KLHL15: variants seen among roughly 807,000 people sequenced by gnomAD.
KLHL15 encodes kelch like family member 15, also known as kelch-like protein 15.
Under a neutral mutation model 29.3 loss-of-function variants are expected in KLHL15, and 1 was observed. That is an observed-to-expected ratio of 0.03 (90% CI 0.01 to 0.16). The LOEUF (loss-of-function observed/expected upper bound fraction) is 0.16, where lower values mean the gene tolerates loss of function less well. Among genes scored for constraint, KLHL15 ranks in the 10% least tolerant of loss-of-function variants. KLHL15 has a pLI of 1.00. For missense variants in KLHL15, 215 were observed against 478.5 expected (o/e 0.45, Z 5.14); for synonymous variants, 212 against 184.5 (o/e 1.15, Z -1.21).
chrX:24,025,519 G>A (rs1318260820), intron 1 of KLHL15, among the ~76,000 whole-genome samples: 5 of 106,791 alleles, frequency 4.7e-5, no homozygotes, highest in Non-Finnish European at 9.8e-5. Context: ...CGCTGGGAGA[G>A]AGGGCGGAGG....
At chrX:23,991,506 C>T (rs1010212946) in intron 3 of KLHL15, among the ~76,000 whole-genome samples, 1 of 109,412 alleles carries the variant, frequency 9.1e-6, no homozygotes, top group Non-Finnish European at 1.9e-5. Context: ...GCAACAACAG[C>T]GAAACTCTTA....
At chrX:24,011,713 G>GA (rs1038873744) in intron 2 of KLHL15, among the ~76,000 whole-genome samples, 1 of 111,795 alleles carries the variant, frequency 8.9e-6, no homozygotes, top group African/African-American at 3.2e-5. Flanking sequence ...TGAGGTGAGA[G>GA]AATCACCTGA....
intron 3 of KLHL15, among the ~76,000 whole-genome samples, chrX:24,004,746 C>A (rs534903837): frequency 8.5e-5 from 9 of 106,123 alleles, no homozygotes; most frequent in African/African-American, 2.8e-4. Flanking sequence ...GCCAAGATCA[C>A]GCCACTGTAC....
chrX:24,009,707 A>G (rs1331512748), intron 2 of KLHL15, among the ~76,000 whole-genome samples: 1 of 94,459 alleles, frequency 1.1e-5, no homozygotes, highest in Non-Finnish European at 2.0e-5. Flanking sequence ...AAAAAAAAAA[A>G]AGCCGGGCTC....
chrX:24,021,016 T>C (rs1047572350), intron 2 of KLHL15, among the ~76,000 whole-genome samples: 1 of 112,015 alleles, frequency 8.9e-6, no homozygotes, highest in African/African-American at 3.2e-5. Context: ...TGATTGAGCC[T>C]GATGAGCTTT....
chrX:24,016,821 C>G (rs1929696276), intron 2 of KLHL15, among the ~76,000 whole-genome samples: 1 of 111,197 alleles, frequency 9.0e-6, no homozygotes, highest in African/African-American at 3.3e-5. Context: ...TCGTGTGGTA[C>G]TACTACAGCC....
chrX:24,013,836 C>G (rs1439387027), intron 2 of KLHL15, among the ~76,000 whole-genome samples: 1 of 109,604 alleles, frequency 9.1e-6, no homozygotes, highest in East Asian at 2.9e-4. Context: ...AGCGAGTCCC[C>G]ATCTCTAAAA....
In KLHL15 at chrX:23,987,371, G is replaced by A. The variant is rs1929005602; in HGVS notation, c.*550C>T. The A allele has an allele frequency of 8.9e-6, 1 of 112,507 alleles. No homozygotes were observed. Among genetic ancestry groups the A allele is most frequent in the African/African-American group, 3.2e-5 (1 of 30,973 alleles). The allele number at this position is 112,507 out of a possible 1,213,427, so 9.3% of individuals were successfully genotyped here. A position where few individuals can be genotyped will look rare whatever the true frequency, so the allele number is the denominator to read the frequency against. Reference sequence around the variant, plus strand: ...GCTTTCACTAACACAATGCGGATAAGAGAAGGCAGCTTAGAAATAGTGTTT... The same window carrying A: ...GCTTTCACTAACACAATGCGGATAAAAGAAGGCAGCTTAGAAATAGTGTTT... On this transcript the variant is annotated 3_prime_UTR_variant, in exon 4 of 4. Transcript: ENST00000328046.
At chrX:24,011,958 G>A (rs1407907377) in intron 2 of KLHL15, among the ~76,000 whole-genome samples, 2 of 112,420 alleles carry the variant, frequency 1.8e-5, no homozygotes, top group African/African-American at 6.5e-5. Context: ...AGACCAGCCT[G>A]GCCAACATGG....
rs141768728 is a variant in KLHL15, at chrX:23,989,526, G to A, written c.706-496C>T. ...TCTATGTACATTCCCAAGCTTTTAA[G>A]AGTAAACAAATAATTAGGCACCTAT... On this transcript the variant is annotated intron_variant, in intron 3 of 3. Transcript: ENST00000328046. 1.8e-3 allele frequency among the ~76,000 whole-genome samples: 198 copies of A among 111,319 alleles called. 4 individuals carry two copies. In the East Asian group the frequency reaches 0.041, roughly 23 times the overall value.
chrX:24,009,480 A>G (rs1929527924), intron 2 of KLHL15, among the ~76,000 whole-genome samples: 1 of 110,150 alleles, frequency 9.1e-6, no homozygotes, highest in Non-Finnish European at 1.9e-5. Context: ...CCTGGGCGAC[A>G]AGAGTGAAAC....
rs753226200 is a variant in KLHL15 at position 24,006,694 on chromosome X, G to A, written c.-1C>T. 1.7e-6 allele frequency: 2 copies of A among 1,158,838 alleles called. No individual in the cohort carries two copies. The highest frequency in any genetic ancestry group is 5.0e-5 in the Admixed American group (2 of 40,044). On this transcript the variant is annotated 5_prime_UTR_variant, in exon 3 of 4. Transcript: ENST00000328046. ...AGAATCCTTCCACGTCCCCTGCCAT[G>A]AATCACCTGGAAAAAAATCAAAGAC...
chrX:23,991,515 T>C (rs1006954833), intron 3 of KLHL15, among the ~76,000 whole-genome samples: 40 of 109,169 alleles, frequency 3.7e-4, no homozygotes, highest in African/African-American at 1.3e-3. Flanking sequence ...GCGAAACTCT[T>C]ATCTCCAAAA....
At chrX:23,996,644 CAG>C (rs978396875) in intron 3 of KLHL15, among the ~76,000 whole-genome samples, 11 of 111,499 alleles carry the variant, frequency 9.9e-5, no homozygotes, top group South Asian at 3.7e-4. Flanking sequence ...GCTTGGATGA[CAG>C]AGCGAGACTC....
chrX:24,006,903 G>C (rs1343067633), intron 2 of KLHL15, among the ~76,000 whole-genome samples: 2 of 111,766 alleles, frequency 1.8e-5, no homozygotes, highest in African/African-American at 6.5e-5. Flanking sequence ...ATCTATTAAA[G>C]ATACATCAAT....
chrX:24,019,009 CATAA>C (rs1429617788), intron 2 of KLHL15, among the ~76,000 whole-genome samples: 1 of 111,635 alleles, frequency 9.0e-6, no homozygotes, highest in Non-Finnish European at 1.9e-5. Flanking sequence ...AAAATAAATA[CATAA>C]ATAAAGAATA....
At chrX:24,003,312 G>A (rs1280296449) in intron 3 of KLHL15, among the ~76,000 whole-genome samples, 8 of 109,974 alleles carry the variant, frequency 7.3e-5, no homozygotes, top group South Asian at 3.9e-4. Context: ...TTGGGAGGCC[G>A]AGGCAGGCGG....
chrX:23,997,754 ATTTT>A (rs1555975595), intron 3 of KLHL15, among the ~76,000 whole-genome samples: 1 of 67,175 alleles, frequency 1.5e-5, no homozygotes, highest in Non-Finnish European at 2.4e-5. Context: ...AAAAAAAAAA[ATTTT>A]TTTTTTTTAA....
intron 2 of KLHL15, among the ~76,000 whole-genome samples, chrX:24,008,379 T>C (rs1318239112): frequency 2.7e-5 from 3 of 111,583 alleles, no homozygotes; most frequent in African/African-American, 9.8e-5. Context: ...TAGCTGGGAC[T>C]ACAGGCACCT....
Sources: gnomAD v4.1 joint callset for allele counts (sites outside exome capture counted in the v4.1 genomes callset) on GRCh38, gnomAD v4.1.1 for gene constraint, MANE v1.5 for transcripts, NCBI Gene and HGNC (gene_info 2026-07-23, HGNC 2026-07-21) for gene names.